Variants in MSH3 observed in about 807,000 individuals in gnomAD.
The protein encoded by MSH3 is DNA mismatch repair protein Msh3.
MSH3 carries 106 observed loss-of-function variants against 123.3 expected under a neutral mutation model. The ratio of observed to expected loss-of-function variants is 0.86; its 90% CI spans 0.73 to 1.01. The LOEUF (loss-of-function observed/expected upper bound fraction) is 1.01, where lower values mean the gene tolerates loss of function less well. MSH3 is among the 50% of genes least tolerant of loss of function. The pLI is 0.00. For missense variants in MSH3, 1,459 were observed against 1,347.6 expected (o/e 1.08, Z -1.29); for synonymous variants, 515 against 481.4 (o/e 1.07, Z -0.91).
intron 22 of MSH3, among the ~76,000 whole-genome samples, chr5:80,872,765 C>T (rs948147285): frequency 2.6e-5 from 4 of 152,138 alleles, no homozygotes; most frequent in African/African-American, 9.7e-5. Context: ...TATGATTGTG[C>T]CACTGCACTC....
chr5:80,748,909 G>A (rs1228250723), intron 12 of MSH3, among the ~76,000 whole-genome samples: 1 of 151,866 alleles, frequency 6.6e-6, no homozygotes, highest in Non-Finnish European at 1.5e-5. Context: ...TAATTTCCAA[G>A]GCAGATTTGT....
At chr5:80,677,725 T>C (rs1236119780) in intron 7 of MSH3, among the ~76,000 whole-genome samples, 2 of 152,230 alleles carry the variant, frequency 1.3e-5, no homozygotes, top group African/African-American at 4.8e-5. Context: ...CCTTGCCACC[T>C]TAAACGTTAT....
chr5:80,818,027 A>G (rs40591), intron 20 of MSH3, among the ~76,000 whole-genome samples: 107,314 of 151,992 alleles, frequency 0.71, 37,876 homozygotes, highest in South Asian at 0.8. Context: ...CTGGCCAACA[A>G]TGGCCAACGT....
chr5:80,654,919 A>G lies in MSH3; in HGVS notation c.192A>G (p.Pro64=), dbSNP rs1283888431. 1.3e-6 allele frequency: 2 copies of G among 1,513,620 alleles called. No individual in the cohort carries two copies. Among genetic ancestry groups the G allele is most frequent in the Non-Finnish European group, 1.8e-6 (2 of 1,135,448 alleles). The allele number at this position is 1,513,620 out of a possible 1,614,324, so 93.8% of individuals were successfully genotyped here. ...CGGCCGCAGCGGCCGCAGCGCCCCC[A>G]GCGCCCCCAGCTCCCGCCTTCCCGC... ...AAAAAAAAAP[P]APPAPAFPPQ... The change falls in exon 1 of 24, where the codon CCA becomes CCG. Residue 64 remains proline, a synonymous_variant. Transcript: ENST00000265081.
intron 8 of MSH3, among the ~76,000 whole-genome samples, chr5:80,683,725 TCTTTG>T (rs1217405392): frequency 1.3e-5 from 2 of 152,152 alleles, no homozygotes; most frequent in Non-Finnish European, 2.9e-5. Context: ...CATTTGTCCA[TCTTTG>T]CTTTGGTTGC....
In MSH3 at chr5:80,768,949, A is replaced by G; in HGVS notation, c.2199A>G (p.Ile733Met). 1 of 1,613,176 alleles carries G rather than the reference A, an allele frequency of 6.2e-7. No homozygotes were observed. The highest frequency in any genetic ancestry group is 8.5e-7 in the Non-Finnish European group (1 of 1,179,352). Reference sequence around the variant, plus strand: ...AGATCCGAATGCATTTGCAAGAAATACGAAAAATACTAAAAAATCCTTCTG... The same window carrying G: ...AGATCCGAATGCATTTGCAAGAAATGCGAAAAATACTAAAAAATCCTTCTG... ...IDEIRMHLQE[I>M]RKILKNPSAQ... is the part of the protein sequence containing the mutation. The change falls in exon 15 of 24, where the codon ATA becomes ATG. Residue 733 changes from isoleucine (I) to methionine (M), a missense_variant. Transcript: ENST00000265081.
intron 17 of MSH3, among the ~76,000 whole-genome samples, chr5:80,785,275 T>A (rs929636837): frequency 2.0e-5 from 3 of 152,224 alleles, no homozygotes; most frequent in Non-Finnish European, 4.4e-5. Flanking sequence ...TGAGCTACAC[T>A]ATTTTTTAAA....
intron 5 of MSH3, 45 bp downstream of exon 5, chr5:80,672,405 C>A: frequency 1.4e-6 from 2 of 1,411,890 alleles, no homozygotes; most frequent in South Asian, 1.1e-5. Flanking sequence ...TTGGGATTCT[C>A]CTCCAGAGAG....
At chr5:80,875,310 T>C (rs1454018150) in intron 23 of MSH3, among the ~76,000 whole-genome samples, 1 of 151,778 alleles carries the variant, frequency 6.6e-6, no homozygotes, top group Non-Finnish European at 1.5e-5. Flanking sequence ...GTTGCTATTC[T>C]GCAGAAAAAA....
intron 15 of MSH3, among the ~76,000 whole-genome samples, chr5:80,774,054 C>T (rs1228145009): frequency 6.6e-6 from 1 of 152,154 alleles, no homozygotes; most frequent in African/African-American, 2.4e-5. Context: ...AGGTGTGAGC[C>T]ATCGCGCCCG....
chr5:80,717,577 G>A (rs1176638433), intron 8 of MSH3, among the ~76,000 whole-genome samples: 1 of 152,100 alleles, frequency 6.6e-6, no homozygotes, highest in Admixed American at 6.5e-5. Context: ...GTTTTTTAAG[G>A]AACCTCCATA....
intron 17 of MSH3, among the ~76,000 whole-genome samples, chr5:80,780,890 A>G (rs1298666137): frequency 7.0e-6 from 1 of 142,272 alleles, no homozygotes; most frequent in African/African-American, 2.5e-5. Context: ...AACCTTAAAC[A>G]GTAAAAATTC....
rs747818551 is a variant in MSH3 at position 80,808,858 on chromosome 5, C to CATATAT, written c.2656-4706_2656-4701dup. ...CTTACTTTGGGTAATATATCTTCTT[C>CATATAT]ATATATATATATATATATATATATA... On this transcript the variant is annotated intron_variant, in intron 19 of 23. Transcript: ENST00000265081. Among the ~76,000 whole-genome samples the CATATAT allele has an allele frequency of 3.2e-3, 209 of 66,126 alleles. 3 individuals carry two copies. The highest frequency in any genetic ancestry group is 0.017 in the South Asian group (23 of 1,326). 43.4% of individuals were successfully genotyped at this position (66,126 alleles called of 152,430 possible).
At chr5:80,805,876 C>T (rs996170029) in intron 19 of MSH3, among the ~76,000 whole-genome samples, 17 of 150,696 alleles carry the variant, frequency 1.1e-4, no homozygotes, top group Admixed American at 2.0e-4. Flanking sequence ...CGTGGGACAC[C>T]GCACCCGGCC....
intron 17 of MSH3, among the ~76,000 whole-genome samples, chr5:80,781,901 C>T (rs1028868657): frequency 8.6e-5 from 13 of 151,772 alleles, no homozygotes; most frequent in South Asian, 2.1e-4. Flanking sequence ...TTGAGAGTTG[C>T]GAAGAGTGAG....
chr5:80,673,402 G>A (rs1398542792), intron 6 of MSH3, among the ~76,000 whole-genome samples: 1 of 152,134 alleles, frequency 6.6e-6, no homozygotes, highest in African/African-American at 2.4e-5. Context: ...GTTGGCACTT[G>A]CCCGTAGTCC....
chr5:80,725,455 T>C lies in MSH3; in HGVS notation c.1343T>C (p.Val448Ala). Reference protein sequence around the residue: ...ALIHRATSVSVQDDRIRVERM... With the variant: ...ALIHRATSVSAQDDRIRVERM... ...GAAATTTTCCTTTTTTCTTTCAGTG[T>C]GCAGGATGACAGAATTCGAGTCGAA... Residue 448 changes from valine (V) to alanine (A), a missense_variant and splice_region_variant, in exon 9 of 24, where the codon GTG becomes GCG. Coordinates refer to ENST00000265081, the MANE Select transcript of MSH3 (RefSeq NM_002439.5). The C allele has an allele frequency of 6.2e-7, 1 of 1,611,928 alleles. No individual in the cohort carries two copies. Among genetic ancestry groups the C allele is most frequent in the Non-Finnish European group, 8.5e-7 (1 of 1,178,098 alleles).
chr5:80,751,936 CATCT>C (rs1160138091), intron 12 of MSH3, among the ~76,000 whole-genome samples: 2 of 152,058 alleles, frequency 1.3e-5, no homozygotes, highest in Admixed American at 1.3e-4. Flanking sequence ...ATGTTTTGCT[CATCT>C]ATTCAACGTC....
At chr5:80,800,517 C>G (rs1004874496) in intron 19 of MSH3, among the ~76,000 whole-genome samples, 2 of 152,160 alleles carry the variant, frequency 1.3e-5, no homozygotes, top group Admixed American at 6.5e-5. Flanking sequence ...CAAATACGCA[C>G]GATCTTTCTA....
Sources: allele counts gnomAD v4.1 joint callset (sites outside exome capture counted in the v4.1 genomes callset), GRCh38; gene constraint gnomAD v4.1.1; transcripts MANE v1.5; gene names NCBI Gene and HGNC (gene_info 2026-07-23, HGNC 2026-07-21).